The following ERICH1 variants were observed in gnomAD, a reference collection of about 807,000 sequenced individuals.
ERICH1 encodes the protein glutamate rich 1.
Under a neutral mutation model 39.6 loss-of-function variants are expected in ERICH1, and 56 were observed. The ratio of observed to expected loss-of-function variants is 1.41; its 90% CI spans 1.14 to 1.77. The LOEUF is 1.77. ERICH1 is among the 40% of genes most tolerant of loss of function. The pLI is 0.00. For missense variants in ERICH1, 826 were observed against 575.4 expected (o/e 1.44, Z -4.45); for synonymous variants, 313 against 223.6 (o/e 1.40, Z -3.57).
At chr8:619,551 C>T (rs1006115218) in intron 3 of ERICH1, among the ~76,000 whole-genome samples, 33 of 152,150 alleles carry the variant, frequency 2.2e-4, no homozygotes, top group African/African-American at 7.2e-4. Context: ...CCAGTATCCA[C>T]CGGGGGAAGA....
chr8:692,379 C>A (rs1809094536), intron 3 of ERICH1, 99 bp downstream of exon 3: 3 of 1,534,698 alleles, frequency 2.0e-6, no homozygotes, highest in Non-Finnish European at 2.7e-6. Flanking sequence ...ACCCACCCCC[C>A]AAGTATGAAT....
At chr8:687,672 C>T (rs1229971228) in intron 3 of ERICH1, among the ~76,000 whole-genome samples, 1 of 152,138 alleles carries the variant, frequency 6.6e-6, no homozygotes, top group African/African-American at 2.4e-5. Flanking sequence ...CCAGGCGAGG[C>T]AGGACGCAGC....
intron 2 of ERICH1, among the ~76,000 whole-genome samples, chr8:713,033 T>C (rs543243563): frequency 1.3e-5 from 2 of 152,378 alleles, no homozygotes; most frequent in African/African-American, 4.8e-5. Flanking sequence ...GCCAAGGTCA[T>C]AGTCTCAGCA....
chr8:673,171 A>T (rs1180410549), intron 4 of ERICH1, 118 bp downstream of exon 4: 2 of 1,251,350 alleles, frequency 1.6e-6, no homozygotes, highest in East Asian at 5.1e-5. Flanking sequence ...CTTACAACTA[A>T]TTATTTTACA....
intron 1 of ERICH1, among the ~76,000 whole-genome samples, chr8:730,901 G>A (rs920875495): frequency 2.6e-5 from 4 of 152,208 alleles, no homozygotes; most frequent in African/African-American, 9.6e-5. Flanking sequence ...GACACCAGGT[G>A]GGGCCTGGCA....
intron 3 of ERICH1, among the ~76,000 whole-genome samples, chr8:630,132 G>A (rs1469334401): frequency 2.1e-4 from 24 of 114,262 alleles, no homozygotes; most frequent in Non-Finnish European, 3.5e-4. Context: ...CACACAGACA[G>A]AGCTGACTCA....
intron 3 of ERICH1, among the ~76,000 whole-genome samples, chr8:624,132 G>A (rs531505385): frequency 9.9e-5 from 15 of 152,248 alleles, no homozygotes; most frequent in South Asian, 6.2e-4. Context: ...GCCAATGAGC[G>A]CACGCAAAGA....
chr8:626,934 G>A, intron 3 of ERICH1: 1 of 352,072 alleles, frequency 2.8e-6, no homozygotes, highest in Non-Finnish European at 5.8e-6. Context: ...AGGGCCAGCT[G>A]GGACCCTCTG....
intron 3 of ERICH1, among the ~76,000 whole-genome samples, chr8:676,798 G>T (rs1168994154): frequency 6.6e-6 from 1 of 152,252 alleles, no homozygotes; most frequent in Non-Finnish European, 1.5e-5. Flanking sequence ...ACCACGCCAA[G>T]GGCGGGGGTT....
At chr8:643,892 G>C (rs1407053244) in intron 3 of ERICH1, among the ~76,000 whole-genome samples, 1 of 152,232 alleles carries the variant, frequency 6.6e-6, no homozygotes, top group Non-Finnish European at 1.5e-5. Context: ...CGAAAAAGGA[G>C]GCACGGACTC....
downstream of ERICH1, among the ~76,000 whole-genome samples, chr8:662,991 G>A (rs1563202518): frequency 1.3e-5 from 2 of 152,368 alleles, no homozygotes; most frequent in Admixed American, 6.5e-5. Flanking sequence ...ACCCTGTCTG[G>A]AGCAGCCTGC....
At chr8:718,241 G>A (rs1281022496) in intron 1 of ERICH1, among the ~76,000 whole-genome samples, 2 of 151,966 alleles carry the variant, frequency 1.3e-5, no homozygotes, top group Non-Finnish European at 2.9e-5. Flanking sequence ...ATGGATCGGA[G>A]TGCACGGAGA....
At chr8:715,411 T>C (rs1355656128) in intron 2 of ERICH1, among the ~76,000 whole-genome samples, 1 of 152,160 alleles carries the variant, frequency 6.6e-6, no homozygotes, top group Non-Finnish European at 1.5e-5. Context: ...ACCAAGAGCT[T>C]AACATGGGGC....
Position 708,425 on chromosome 8 carries a change from C to T in ERICH1, c.169+7436G>A, listed in dbSNP as rs1453736471. ...ATTCATCAACTGATGAATGGAGAAA[C>T]AAAATGTGGTCTATTCATACAGTGG... On this transcript the variant is annotated intron_variant, in intron 2 of 5. Coordinates refer to ENST00000262109, the MANE Select transcript of ERICH1 (RefSeq NM_207332.3). Among the ~76,000 whole-genome samples the T allele has an allele frequency of 9.2e-5, 14 of 152,140 alleles. No individual in the cohort carries two copies. In the South Asian group the frequency reaches 2.9e-3, roughly 32 times the overall value.
intron 2 of ERICH1, among the ~76,000 whole-genome samples, chr8:699,573 G>C (rs541403133): frequency 6.8e-6 from 1 of 146,424 alleles, no homozygotes; most frequent in Admixed American, 6.7e-5. Flanking sequence ...AGAGAAGGAG[G>C]ACGGCTTCAT....
intron 3 of ERICH1, among the ~76,000 whole-genome samples, chr8:633,592 A>G (rs1162893304): frequency 2.6e-5 from 4 of 152,236 alleles, no homozygotes; most frequent in East Asian, 1.9e-4. Flanking sequence ...ACAATCCTAA[A>G]AAGAACGAAG....
chr8:678,885 C>G (rs1222898154), intron 3 of ERICH1, among the ~76,000 whole-genome samples: 1 of 152,158 alleles, frequency 6.6e-6, no homozygotes, highest in Non-Finnish European at 1.5e-5. Flanking sequence ...CCTGACGACT[C>G]CAACGTCCCT....
intron 3 of ERICH1, among the ~76,000 whole-genome samples, chr8:655,672 C>CTTCCTTCCT (rs1485319693): frequency 1.3e-5 from 1 of 75,178 alleles, no homozygotes; most frequent in Non-Finnish European, 2.6e-5. Context: ...TCCTTCCTTC[C>CTTCCTTCCT]TTCCTTCCTT....
chr8:683,633 A>T (rs1049107295), intron 3 of ERICH1, among the ~76,000 whole-genome samples: 1 of 152,236 alleles, frequency 6.6e-6, no homozygotes, highest in Admixed American at 6.5e-5. Flanking sequence ...GACATCATTT[A>T]GCTTTTGATT....
Sources: allele counts gnomAD v4.1 joint callset (sites outside exome capture counted in the v4.1 genomes callset), GRCh38; gene constraint gnomAD v4.1.1; transcripts MANE v1.5; gene names NCBI Gene and HGNC (gene_info 2026-07-23, HGNC 2026-07-21).